The following OPCML variants were observed in gnomAD, a reference collection of about 807,000 sequenced individuals.
The protein encoded by OPCML is opioid-binding protein/cell adhesion molecule.
Under a neutral mutation model 37.8 loss-of-function variants are expected in OPCML, and 13 were observed. That is an observed-to-expected ratio of 0.34 (90% confidence interval 0.22 to 0.55). The LOEUF (loss-of-function observed/expected upper bound fraction) is 0.55. OPCML is among the 20% of genes least tolerant of loss of function. The pLI is 0.91. For missense variants in OPCML, 341 were observed against 435.6 expected (o/e 0.78, Z 1.93); for synonymous variants, 176 against 168.8 (o/e 1.04, Z -0.33).
At chr11:132,466,776 G>A (rs2096121413) in intron 4 of OPCML, among the ~76,000 whole-genome samples, 1 of 152,132 alleles carries the variant, frequency 6.6e-6, no homozygotes, top group African/African-American at 2.4e-5. Context: ...GGAGCCTCGG[G>A]TCCGTGTCAT....
chr11:132,958,461 A>G (rs963157712), intron 1 of OPCML, among the ~76,000 whole-genome samples: 1 of 152,208 alleles, frequency 6.6e-6, no homozygotes, highest in Non-Finnish European at 1.5e-5. Context: ...TTTAGCTAAG[A>G]TCATTGATGA....
At chr11:132,904,287 A>T (rs1214455360) in intron 2 of OPCML, among the ~76,000 whole-genome samples, 1 of 152,220 alleles carries the variant, frequency 6.6e-6, no homozygotes, top group African/African-American at 2.4e-5. Context: ...AGAGCAACAG[A>T]TGCCAGGAGC....
chr11:132,526,454 A>T (rs887280071), intron 4 of OPCML, among the ~76,000 whole-genome samples: 1 of 152,156 alleles, frequency 6.6e-6, no homozygotes, highest in African/African-American at 2.4e-5. Context: ...TAATACTCTC[A>T]TTAATTTTAC....
intron 1 of OPCML, among the ~76,000 whole-genome samples, chr11:133,134,412 A>T (rs1168427528): frequency 6.6e-6 from 1 of 152,192 alleles, no homozygotes; most frequent in African/African-American, 2.4e-5. Context: ...CCAGGGACTG[A>T]GGCACCTCTG....
At chr11:133,237,244 T>G (rs1433001789) in intron 1 of OPCML, among the ~76,000 whole-genome samples, 2 of 152,240 alleles carry the variant, frequency 1.3e-5, no homozygotes, top group Non-Finnish European at 2.9e-5. Flanking sequence ...GTGCTTCAGA[T>G]GAAAGCACCC....
chr11:132,711,266 G>A (rs1299023265), intron 2 of OPCML, among the ~76,000 whole-genome samples: 2 of 152,178 alleles, frequency 1.3e-5, no homozygotes, highest in Non-Finnish European at 2.9e-5. Context: ...ATTAATATCA[G>A]TGATGAACTG....
At chr11:132,961,156 A>G (rs1464955515) in intron 1 of OPCML, among the ~76,000 whole-genome samples, 1 of 152,174 alleles carries the variant, frequency 6.6e-6, no homozygotes, top group Non-Finnish European at 1.5e-5. Context: ...AGTCCCAAAA[A>G]TAGTTTTCCT....
intron 1 of OPCML, among the ~76,000 whole-genome samples, chr11:133,513,051 G>A (rs1252286623): frequency 6.6e-6 from 1 of 152,070 alleles, no homozygotes; most frequent in Admixed American, 6.6e-5. Flanking sequence ...TCTTCTTATT[G>A]GACCTGCTGT....
chr11:133,447,298 G>T (rs962152005), intron 1 of OPCML, among the ~76,000 whole-genome samples: 4 of 152,098 alleles, frequency 2.6e-5, no homozygotes, highest in African/African-American at 9.7e-5. Context: ...ATCTTTACAT[G>T]TGCTTCTTAG....
chr11:132,859,910 C>G (rs1484540962), intron 2 of OPCML: 1 of 152,146 alleles, frequency 6.6e-6, no homozygotes, highest in Non-Finnish European at 1.5e-5. Flanking sequence ...CTTCCTAGCC[C>G]TAATACTAAC....
chr11:133,196,390 C>T (rs958629409), intron 1 of OPCML, among the ~76,000 whole-genome samples: 5 of 152,154 alleles, frequency 3.3e-5, no homozygotes, highest in Non-Finnish European at 7.3e-5. Flanking sequence ...CACCCTCCAC[C>T]CAGCGATCCT....
chr11:133,291,301 A>G (rs1036071691), intron 1 of OPCML, among the ~76,000 whole-genome samples: 4 of 152,182 alleles, frequency 2.6e-5, no homozygotes, highest in Non-Finnish European at 5.9e-5. Context: ...TCGATGCTTC[A>G]TGGGGTGTCT....
intron 3 of OPCML, among the ~76,000 whole-genome samples, chr11:132,546,594 T>C (rs1456584441): frequency 1.3e-5 from 2 of 152,200 alleles, no homozygotes; most frequent in Non-Finnish European, 2.9e-5. Context: ...TACTCTATTG[T>C]TTAGAGTCTG....
intron 1 of OPCML, among the ~76,000 whole-genome samples, chr11:133,077,818 G>A (rs1948647409): frequency 6.6e-6 from 1 of 152,082 alleles, no homozygotes; most frequent in South Asian, 2.1e-4. Context: ...CAATGCAAAT[G>A]CCCATCTACC....
At chr11:132,682,784 A>T (rs1041137292) in intron 2 of OPCML, among the ~76,000 whole-genome samples, 1 of 152,212 alleles carries the variant, frequency 6.6e-6, no homozygotes, top group African/African-American at 2.4e-5. Flanking sequence ...CGTTACATAG[A>T]TACTAATTTC....
chr11:133,083,881 T>C (rs972492503), intron 1 of OPCML, among the ~76,000 whole-genome samples: 3 of 150,376 alleles, frequency 2.0e-5, no homozygotes, highest in Admixed American at 1.3e-4. Context: ...CTAAATGTTC[T>C]CTCTTTGAAT....
chr11:132,632,320 C>T lies in OPCML; in HGVS notation c.379+24767G>A, dbSNP rs1304011262. Among the ~76,000 whole-genome samples, 4 of 145,724 alleles carry T rather than the reference C, an allele frequency of 2.7e-5. No individual in the cohort carries two copies. The East Asian group carries it at 8.0e-4, about 29-fold the overall frequency. ...GTGGAACTGTCGTCAAAGCAAGCAG[C>T]TGACATTTAAATAATATTATGATTT... On this transcript the variant is annotated intron_variant, in intron 3 of 7. Transcript: ENST00000524381.
intron 2 of OPCML, among the ~76,000 whole-genome samples, chr11:132,682,451 C>A (rs1338561001): frequency 1.3e-5 from 2 of 152,106 alleles, no homozygotes; most frequent in South Asian, 2.1e-4. Flanking sequence ...TGTTAAGATG[C>A]TAAAAGGGGG....
rs555868659 is a variant in OPCML, at chr11:133,395,482, C to G, written c.61+136782G>C. Among the ~76,000 whole-genome samples, 14 of 152,248 alleles carry G rather than the reference C, an allele frequency of 9.2e-5. No individual in the cohort carries two copies. In the South Asian group the frequency reaches 2.9e-3, roughly 32 times the overall value. ...AAGAAATCTTTGCCCAGTCCAATGT[C>G]CTGGAAAGTTTCCCTAATGTTTTCC... On this transcript the variant is annotated intron_variant, in intron 1 of 7. Transcript: ENST00000524381.
Sources: gnomAD v4.1 joint callset for allele counts (sites outside exome capture counted in the v4.1 genomes callset) on GRCh38, gnomAD v4.1.1 for gene constraint, MANE v1.5 for transcripts, NCBI Gene and HGNC (gene_info 2026-07-23, HGNC 2026-07-21) for gene names.